Variants in TMTC2 observed in about 807,000 individuals in gnomAD.
The protein encoded by TMTC2 is protein O-mannosyl-transferase TMTC2.
Under a neutral mutation model 82.4 loss-of-function variants are expected in TMTC2, and 43 were observed. The ratio of observed to expected loss-of-function variants is 0.52; its 90% CI spans 0.41 to 0.67. The LOEUF is 0.67. Ranked by LOEUF, TMTC2 falls within the 30% of genes least tolerant of loss-of-function variation. The pLI, the probability that TMTC2 is intolerant of heterozygous loss-of-function variation, is 0.00. For missense variants in TMTC2, 919 were observed against 1,012.4 expected (o/e 0.91, Z 1.25); for synonymous variants, 408 against 381.9 (o/e 1.07, Z -0.80).
At chr12:82,924,829 G>A (rs1009911868) in intron 3 of TMTC2, among the ~76,000 whole-genome samples, 5 of 152,036 alleles carry the variant, frequency 3.3e-5, no homozygotes, top group Admixed American at 2.6e-4. Flanking sequence ...GTGACATTTC[G>A]AAAATGAAAG....
chr12:82,897,920 G>T (rs1873763935), intron 3 of TMTC2, among the ~76,000 whole-genome samples: 1 of 151,688 alleles, frequency 6.6e-6, no homozygotes, highest in African/African-American at 2.4e-5. Flanking sequence ...TTAAAAGAAG[G>T]TGTAAAACTG....
At chr12:83,107,901 GGA>G (rs1884466177) in intron 11 of TMTC2, among the ~76,000 whole-genome samples, 1 of 152,116 alleles carries the variant, frequency 6.6e-6, no homozygotes, top group Non-Finnish European at 1.5e-5. Flanking sequence ...CAGTGTTAGA[GGA>G]GGGGCCCGGT....
At chr12:82,896,694 CT>C (rs761021238) in intron 3 of TMTC2, 48 bp downstream of exon 3, 3 of 1,426,080 alleles carry the variant, frequency 2.1e-6, no homozygotes, top group Non-Finnish European at 2.8e-6. Flanking sequence ...CACTTTCAGC[CT>C]CTTTATATCT....
chr12:82,770,626 C>T (rs1283543583), intron 1 of TMTC2, among the ~76,000 whole-genome samples: 1 of 151,920 alleles, frequency 6.6e-6, no homozygotes, highest in Non-Finnish European at 1.5e-5. Flanking sequence ...TCTAAATGAG[C>T]CTATAACTCT....
chr12:82,995,254 A>G (rs907247682), intron 8 of TMTC2, among the ~76,000 whole-genome samples: 1 of 152,050 alleles, frequency 6.6e-6, no homozygotes, highest in Admixed American at 6.5e-5. Flanking sequence ...TTAGAAACAT[A>G]TTTCTTCTCA....
At chr12:83,100,705 G>C (rs1190278469) in intron 11 of TMTC2, among the ~76,000 whole-genome samples, 3 of 151,888 alleles carry the variant, frequency 2.0e-5, no homozygotes, top group East Asian at 1.9e-4. Flanking sequence ...GAGAAGTCTT[G>C]TTGTAATGCT....
intron 10 of TMTC2, among the ~76,000 whole-genome samples, chr12:83,057,359 T>G (rs991469110): frequency 2.6e-5 from 4 of 151,932 alleles, no homozygotes; most frequent in African/African-American, 9.7e-5. Context: ...ACCGCTCTAC[T>G]CTTTTCCTTT....
intron 4 of TMTC2, among the ~76,000 whole-genome samples, chr12:82,937,778 A>G (rs1172053337): frequency 4.3e-5 from 1 of 23,088 alleles, no homozygotes; most frequent in African/African-American, 1.3e-4. Context: ...ATATATATAT[A>G]TATATATATA....
Position 82,929,793 on chromosome 12 carries a change from C to A in TMTC2, c.1484-638C>A, listed in dbSNP as rs910972505. Among the ~76,000 whole-genome samples, 5 of 152,116 alleles carry A rather than the reference C, an allele frequency of 3.3e-5. No homozygotes were observed. The South Asian group carries it at 8.3e-4, about 25-fold the overall frequency. The stretch of plus-strand genomic sequence containing the variant: ...TGTTATTTTTAATATTGAAAAATTA[C>A]TATTATTTGGGGAGAACAAAGGGTA... On this transcript the variant is annotated intron_variant, in intron 3 of 11. Transcript: ENST00000321196.
At chr12:83,087,784 T>C (rs1238117992) in intron 11 of TMTC2, among the ~76,000 whole-genome samples, 1 of 149,776 alleles carries the variant, frequency 6.7e-6, no homozygotes, top group East Asian at 2.0e-4. Flanking sequence ...CCACCAGACT[T>C]TGTTATTCCA....
At chr12:82,809,705 C>T (rs780224154) in intron 1 of TMTC2, among the ~76,000 whole-genome samples, 5 of 152,058 alleles carry the variant, frequency 3.3e-5, no homozygotes, top group Non-Finnish European at 7.4e-5. Flanking sequence ...TCTGTGTATG[C>T]AATAAGTCAT....
At chr12:82,826,031 A>C (rs1407422468) in intron 1 of TMTC2, among the ~76,000 whole-genome samples, 1 of 152,270 alleles carries the variant, frequency 6.6e-6, no homozygotes, top group African/African-American at 2.4e-5. Flanking sequence ...GGGAAACAGC[A>C]GGTGATGCTA....
intron 11 of TMTC2, among the ~76,000 whole-genome samples, chr12:83,101,819 C>T (rs1228997071): frequency 1.3e-5 from 2 of 152,120 alleles, no homozygotes; most frequent in African/African-American, 4.8e-5. Context: ...ATGTAAGATA[C>T]CTGTCAAATA....
At chr12:82,825,366 G>A (rs1179281295) in intron 1 of TMTC2, among the ~76,000 whole-genome samples, 1 of 152,184 alleles carries the variant, frequency 6.6e-6, no homozygotes, top group Non-Finnish European at 1.5e-5. Context: ...ATGAATGGGA[G>A]AGCATGCAGG....
At chr12:82,745,604 C>G (rs1875648520) in intron 1 of TMTC2, among the ~76,000 whole-genome samples, 1 of 152,046 alleles carries the variant, frequency 6.6e-6, no homozygotes, top group South Asian at 2.1e-4. Flanking sequence ...AGACAAGAGC[C>G]TAGAGAAAAC....
intron 8 of TMTC2, among the ~76,000 whole-genome samples, chr12:83,001,286 C>T (rs1453796537): frequency 6.6e-6 from 1 of 152,120 alleles, no homozygotes; most frequent in African/African-American, 2.4e-5. Context: ...CCTTATAAAA[C>T]TGAATGCCTT....
chr12:82,843,084 G>A (rs138632783), intron 1 of TMTC2, among the ~76,000 whole-genome samples: 1 of 152,082 alleles, frequency 6.6e-6, no homozygotes, highest in East Asian at 1.9e-4. Context: ...GATCTTTACT[G>A]ACCCTAATAG....
intron 8 of TMTC2, among the ~76,000 whole-genome samples, chr12:82,997,926 G>A (rs1190480306): frequency 6.6e-6 from 1 of 152,138 alleles, no homozygotes; most frequent in South Asian, 2.1e-4. Flanking sequence ...TATGAAACAG[G>A]TTTTTTCAAG....
rs541641697 is a variant in TMTC2, at chr12:82,782,611, A to C, written c.84-74399A>C. 7.1e-3 allele frequency among the ~76,000 whole-genome samples: 1,086 copies of C among 152,292 alleles called. 8 individuals carry two copies. Among genetic ancestry groups the C allele is most frequent in the Non-Finnish European group, 0.011 (718 of 68,008 alleles). ...CACTCATGATCACTTTGGAGAGCTG[A>C]TTACAAAGGCACATTTTGAAACAGA... On this transcript the variant is annotated intron_variant, in intron 1 of 11. Transcript: ENST00000321196.
Sources: allele counts gnomAD v4.1 joint callset (sites outside exome capture counted in the v4.1 genomes callset), GRCh38; gene constraint gnomAD v4.1.1; transcripts MANE v1.5; gene names NCBI Gene and HGNC (gene_info 2026-07-23, HGNC 2026-07-21).